TCFL5: variants seen among roughly 807,000 people sequenced by gnomAD.
TCFL5 encodes the protein transcription factor-like 5 protein.
A neutral mutation model predicts 44.3 loss-of-function variants in TCFL5; 9 were observed. That is an observed-to-expected ratio of 0.20 (90% confidence interval 0.12 to 0.35). TCFL5 has a LOEUF of 0.35. Ranked by LOEUF, TCFL5 falls within the 10% of genes least tolerant of loss-of-function variation. The pLI is 1.00. For synonymous variants in TCFL5, 319 were observed against 271.6 expected (o/e 1.17, Z -1.72); for missense variants, 603 against 613.4 (o/e 0.98, Z 0.18).
chr20:62,842,186 T>TAAGTA lies in TCFL5; in HGVS notation c.1381-94_1381-90dup. The TAAGTA allele has an allele frequency of 6.5e-7, 1 of 1,537,840 alleles. No individual in the cohort carries two copies. Among genetic ancestry groups the TAAGTA allele is most frequent in the Non-Finnish European group, 8.9e-7 (1 of 1,128,818 alleles). ...AGTGCAAAAGGTTCAAATTAAGAGC[T>TAAGTA]AAGTAAATGACTTTAGAATACGCTG... On this transcript the variant is annotated intron_variant, in intron 5 of 5. Coordinates refer to ENST00000335351, the MANE Select transcript of TCFL5 (RefSeq NM_006602.4). The surrounding 1 kb of genome is among the most constrained non-coding windows in gnomAD (Gnocchi z 4.3).
intron 4 of TCFL5, among the ~76,000 whole-genome samples, chr20:62,854,811 C>T (rs528005761): frequency 4.7e-4 from 72 of 152,330 alleles, no homozygotes; most frequent in Non-Finnish European, 6.5e-4. Context: ...TTCAATATGG[C>T]CCTTGTTACT....
At chr20:62,857,930 C>T (rs2147287647) in intron 3 of TCFL5, among the ~76,000 whole-genome samples, 1 of 151,788 alleles carries the variant, frequency 6.6e-6, no homozygotes, top group African/African-American at 2.4e-5. Context: ...TTTTAATTAA[C>T]AGGTGTTATC....
chr20:62,844,575 G>GTTTTTT (rs1169875367), intron 5 of TCFL5, among the ~76,000 whole-genome samples: 5 of 130,238 alleles, frequency 3.8e-5, no homozygotes, highest in African/African-American at 1.6e-4. Flanking sequence ...TTTTTTGTTT[G>GTTTTTT]TTTTTTGTTT....
chr20:62,852,114 T>C, intron 5 of TCFL5: 1 of 985,432 alleles, frequency 1.0e-6, no homozygotes, highest in Non-Finnish European at 1.2e-6. Flanking sequence ...CTGGGAGCCC[T>C]TCTTGGAAGA....
Position 62,857,565 on chromosome 20 carries a change from T to C in TCFL5, c.1068A>G (p.Arg356=), listed in dbSNP as rs1281990530. ...CATTCTGAATCTCTCCAAGGGCTCT[T>C]CGCTCTACATTTGTGTCCAACTGAC... is the stretch of plus-strand genomic sequence containing the variant. ...RMRQLDTNVE[R]RALGEIQNVG... Residue 356 remains arginine (R), a synonymous_variant, in exon 4 of 6, where the codon CGA becomes CGG. Coordinates refer to ENST00000335351, the MANE Select transcript of TCFL5 (RefSeq NM_006602.4). The C allele has an allele frequency of 6.2e-7, 1 of 1,614,142 alleles. No individual in the cohort carries two copies. Among genetic ancestry groups the C allele is most frequent in the Non-Finnish European group, 8.5e-7 (1 of 1,180,052 alleles).
rs780997820 is a variant in TCFL5 at position 62,861,349 on chromosome 20, C to A, written c.322G>T (p.Val108Leu). The stretch of plus-strand genomic sequence containing the variant: ...GCCGCCAGCGCGGACGGGCACAGCA[C>A]GGGGTACACGGGCGCCGCGCCCCCC... ...GQGGAAPVYP[V>L]LCPSALAADA... The change falls in exon 1 of 6, where the codon GTG (valine) becomes TTG (leucine). Residue 108 changes from valine to leucine, a missense_variant. Val to Leu is a conservative substitution (Grantham distance 32). Coordinates refer to ENST00000335351, the MANE Select transcript of TCFL5 (RefSeq NM_006602.4). The surrounding 1 kb of genome is among the most constrained non-coding windows in gnomAD (Gnocchi z 4.0). The A allele has an allele frequency of 9.4e-7, 1 of 1,068,382 alleles. No individual in the cohort carries two copies. 66.2% of individuals were successfully genotyped at this position (1,068,382 alleles called of 1,614,324 possible).
chr20:62,845,568 TG>T, intron 5 of TCFL5: 1 of 1,497,706 alleles, frequency 6.7e-7, no homozygotes, highest in Non-Finnish European at 8.9e-7. Context: ...GACAATTAAA[TG>T]AAAGTCAGAG....
Position 62,860,254 on chromosome 20 carries a change from T to A in TCFL5, c.702A>T (p.Gln234His). The A allele has an allele frequency of 1.2e-6, 2 of 1,613,842 alleles. No individual in the cohort carries two copies. The highest frequency in any genetic ancestry group is 2.2e-5 in the South Asian group (2 of 91,074). ...TCACTAATGCTGTACATTTGTTTTGTTGCTGAAGAGGAACATTCATTAGTT... is the reference window on the plus strand; with the variant it reads ...TCACTAATGCTGTACATTTGTTTTGATGCTGAAGAGGAACATTCATTAGTT... ...PSELMNVPLQ[Q>H]QNKCTALVKN... Residue 234 changes from glutamine to histidine, a missense_variant, in exon 2 of 6, where the codon CAA becomes CAT. Physicochemically the swap from Gln to His is conservative, Grantham distance 24. Coordinates refer to ENST00000335351, the MANE Select transcript of TCFL5 (RefSeq NM_006602.4).
At chr20:62,859,029 C>T (rs1015455582) in intron 3 of TCFL5, among the ~76,000 whole-genome samples, 5 of 152,078 alleles carry the variant, frequency 3.3e-5, no homozygotes, top group South Asian at 2.1e-4. Flanking sequence ...CCTCACTCAT[C>T]GAGTATAACA....
At chr20:62,844,689 G>A (rs1285701213) in intron 5 of TCFL5, 1 of 168,706 alleles carries the variant, frequency 5.9e-6, no homozygotes, top group East Asian at 1.9e-4. Context: ...CTGCCTCCTG[G>A]GGTTCAAGCA....
At chr20:62,843,375 C>T (rs542564802) in intron 5 of TCFL5, among the ~76,000 whole-genome samples, 68 of 151,716 alleles carry the variant, frequency 4.5e-4, no homozygotes, top group African/African-American at 1.4e-3. Flanking sequence ...CCTTTTCTTT[C>T]GGAAGATATA....
intron 2 of TCFL5, among the ~76,000 whole-genome samples, chr20:62,859,842 T>C (rs1683415908): frequency 6.6e-6 from 1 of 151,836 alleles, no homozygotes; most frequent in Admixed American, 6.6e-5. Flanking sequence ...CGCCTCAGCC[T>C]CCTGAGCAGC....
intron 3 of TCFL5, 101 bp from the exon 4 acceptor site, chr20:62,857,739 T>C: frequency 7.1e-7 from 1 of 1,406,568 alleles, no homozygotes; most frequent in East Asian, 2.3e-5. Context: ...TAAACATTAT[T>C]GGGTAAGCAG....
At position 62,841,935 on chromosome 20, in the gene TCFL5, G is replaced by T. The variant is rs549810086; in HGVS notation, c.*40C>A. The T allele has an allele frequency of 1.9e-6, 3 of 1,611,958 alleles. No homozygotes were observed. The highest frequency in any genetic ancestry group is 1.3e-5 in the African/African-American group (1 of 74,968). ...CAGAAGGCGTGCACAGGTCACGAAGGAATGGCTGTTCACCCCCCGAGGATT... is the reference window on the plus strand; with the variant it reads ...CAGAAGGCGTGCACAGGTCACGAAGTAATGGCTGTTCACCCCCCGAGGATT... On this transcript the variant is annotated 3_prime_UTR_variant, in exon 6 of 6. Transcript: ENST00000335351.
chr20:62,848,985 T>C (rs890163013), intron 5 of TCFL5, among the ~76,000 whole-genome samples: 3 of 151,994 alleles, frequency 2.0e-5, no homozygotes, highest in Non-Finnish European at 4.4e-5. Context: ...CTGGCCAACA[T>C]GGTGAAACCT....
intron 1 of TCFL5, 129 bp downstream of exon 1, chr20:62,860,895 C>T (rs1055872507): frequency 3.9e-6 from 3 of 776,736 alleles, no homozygotes; most frequent in African/African-American, 3.7e-5. Context: ...GTGAGGTCCG[C>T]GCCCTGTGCC....
At chr20:62,860,886 T>A in intron 1 of TCFL5, 138 bp downstream of exon 1, 2 of 701,824 alleles carry the variant, frequency 2.8e-6, no homozygotes, top group Non-Finnish European at 3.5e-6. Context: ...CCAGACCCGG[T>A]GAGGTCCGCG....
At chr20:62,847,925 G>A (rs1162718507) in intron 5 of TCFL5, among the ~76,000 whole-genome samples, 4 of 152,246 alleles carry the variant, frequency 2.6e-5, no homozygotes, top group Non-Finnish European at 4.4e-5. Context: ...GCTGGGAATG[G>A]ATCCAAGAGA....
chr20:62,846,839 A>T (rs1207710909), intron 5 of TCFL5, among the ~76,000 whole-genome samples: 1 of 152,136 alleles, frequency 6.6e-6, no homozygotes, highest in Admixed American at 6.5e-5. Context: ...TTAGTAAGAA[A>T]AAAGAAATAG....
Sources: gnomAD v4.1 joint callset for allele counts (sites outside exome capture counted in the v4.1 genomes callset) on GRCh38, gnomAD v4.1.1 for gene constraint, Gnocchi (gnomAD v3.1) non-coding constraint, MANE v1.5 for transcripts, NCBI Gene and HGNC (gene_info 2026-07-23, HGNC 2026-07-21) for gene names.